The following HECW2 variants were observed in gnomAD, a reference collection of about 807,000 sequenced individuals.
HECW2 encodes E3 ubiquitin-protein ligase HECW2.
In HECW2, 61 loss-of-function variants were observed where a neutral mutation model predicts 175.2. The ratio of observed to expected loss-of-function variants is 0.35; its 90% CI spans 0.28 to 0.43. The LOEUF (loss-of-function observed/expected upper bound fraction) is 0.43, where lower values mean the gene tolerates loss of function less well. Among genes scored for constraint, HECW2 ranks in the 20% least tolerant of loss-of-function variants. The pLI, the probability that HECW2 is intolerant of heterozygous loss-of-function variation, is 1.00. For synonymous variants in HECW2, 671 were observed against 731.0 expected, an observed-to-expected ratio of 0.92 and a Z score of 1.32; for missense variants, 1,524 against 2,000.5, an observed-to-expected ratio of 0.76 and a Z score of 4.54.
chr2:196,335,947 A>C (rs931323741), intron 3 of HECW2, among the ~76,000 whole-genome samples: 1 of 152,198 alleles, frequency 6.6e-6, no homozygotes. Context: ...AAAATACAAA[A>C]GACACACACT....
chr2:196,240,647 T>C, intron 20 of HECW2, 85 bp from the exon 21 acceptor site: 1 of 1,241,260 alleles, frequency 8.1e-7, no homozygotes, highest in Non-Finnish European at 1.1e-6. Flanking sequence ...AACATTTCCA[T>C]TTGCCACAAT....
intron 1 of HECW2, among the ~76,000 whole-genome samples, chr2:196,545,790 C>T (rs1051581835): frequency 3.9e-5 from 6 of 152,192 alleles, no homozygotes; most frequent in Non-Finnish European, 8.8e-5. Context: ...TAAGAGGATG[C>T]ATCACTTGGT....
At chr2:196,309,620 C>CT (rs1691406825) in intron 10 of HECW2, among the ~76,000 whole-genome samples, 1 of 7,492 alleles carries the variant, frequency 1.3e-4, no homozygotes, top group Admixed American at 3.1e-3. Flanking sequence ...ACCAATTACC[C>CT]CATCTCATTC....
chr2:196,231,829 A>G (rs1688069578), intron 21 of HECW2, among the ~76,000 whole-genome samples: 1 of 152,108 alleles, frequency 6.6e-6, no homozygotes, highest in Non-Finnish European at 1.5e-5. Context: ...CTCTACTAAA[A>G]ATACAAAAAA....
intron 10 of HECW2, among the ~76,000 whole-genome samples, chr2:196,310,768 TTG>T (rs143340435): frequency 0.015 from 2,156 of 148,274 alleles, 46 homozygotes; most frequent in African/African-American, 0.051. Context: ...AGCAACGATT[TTG>T]TGTGTGTGTG....
intron 28 of HECW2, among the ~76,000 whole-genome samples, chr2:196,203,814 A>G (rs940348005): frequency 1.3e-5 from 2 of 152,178 alleles, no homozygotes; most frequent in African/African-American, 4.8e-5. Context: ...ATCCATCTCC[A>G]GAACTTCTGC....
chr2:196,293,571 T>C (rs956865939), intron 13 of HECW2, among the ~76,000 whole-genome samples: 5 of 152,188 alleles, frequency 3.3e-5, no homozygotes, highest in African/African-American at 4.8e-5. Flanking sequence ...CTTTGAGGAA[T>C]CTCCACACTG....
chr2:196,353,924 G>A (rs143188517), intron 2 of HECW2, among the ~76,000 whole-genome samples: 6 of 152,268 alleles, frequency 3.9e-5, no homozygotes, highest in Non-Finnish European at 7.4e-5. Context: ...TCTCCATTGA[G>A]AGCTGTTTCA....
At chr2:196,281,075 G>C (rs756792463) in intron 14 of HECW2, among the ~76,000 whole-genome samples, 19 of 152,152 alleles carry the variant, frequency 1.2e-4, no homozygotes, top group Non-Finnish European at 2.4e-4. Context: ...AAAGACAAAT[G>C]GGTGTCTACA....
intron 14 of HECW2, among the ~76,000 whole-genome samples, chr2:196,282,927 T>C (rs937118219): frequency 6.6e-6 from 1 of 152,046 alleles, no homozygotes; most frequent in South Asian, 2.1e-4. Context: ...GTTTAGAATT[T>C]TATTTTTGGT....
At chr2:196,579,669 G>T (rs1470777289) in intron 1 of HECW2, among the ~76,000 whole-genome samples, 1 of 152,080 alleles carries the variant, frequency 6.6e-6, no homozygotes, top group Non-Finnish European at 1.5e-5. Context: ...AACTAAATTT[G>T]GAGATACAAC....
chr2:196,583,851 G>C (rs1690880813), intron 1 of HECW2, among the ~76,000 whole-genome samples: 1 of 152,170 alleles, frequency 6.6e-6, no homozygotes, highest in African/African-American at 2.4e-5. Flanking sequence ...CATATATTTA[G>C]AGTGCTTAAA....
chr2:196,261,552 C>A (rs1391489623), intron 17 of HECW2, among the ~76,000 whole-genome samples: 1 of 152,046 alleles, frequency 6.6e-6, no homozygotes, highest in Non-Finnish European at 1.5e-5. Context: ...CATGCTAGGC[C>A]AGAGATGCAA....
intron 19 of HECW2, 48 bp downstream of exon 19, chr2:196,253,872 G>C: frequency 6.4e-7 from 1 of 1,563,270 alleles, no homozygotes; most frequent in Non-Finnish European, 8.8e-7. Flanking sequence ...CATCTGGCTT[G>C]AAGGTTCACT....
chr2:196,331,969 G>C (rs1692377907), intron 4 of HECW2, among the ~76,000 whole-genome samples: 1 of 152,230 alleles, frequency 6.6e-6, no homozygotes, highest in Non-Finnish European at 1.5e-5. Flanking sequence ...ATACATGGTA[G>C]TGAGTAATGG....
intron 1 of HECW2, among the ~76,000 whole-genome samples, chr2:196,576,873 T>C (rs760054767): frequency 2.6e-5 from 4 of 152,108 alleles, no homozygotes; most frequent in South Asian, 2.1e-4. Context: ...AAAGGTTTAT[T>C]AGAAAAAAAG....
chr2:196,357,766 G>A (rs1208348487), intron 2 of HECW2, among the ~76,000 whole-genome samples: 1 of 152,140 alleles, frequency 6.6e-6, no homozygotes, highest in Non-Finnish European at 1.5e-5. Flanking sequence ...TGATGGTTTT[G>A]TAAGGCAGTT....
At chr2:196,449,907 A>G (rs187958406) in intron 1 of HECW2, among the ~76,000 whole-genome samples, 1 of 152,210 alleles carries the variant, frequency 6.6e-6, no homozygotes, top group East Asian at 1.9e-4. Context: ...GTCATAATGC[A>G]TGGGAAACAG....
intron 1 of HECW2, among the ~76,000 whole-genome samples, chr2:196,535,653 G>A (rs1482362753): frequency 6.6e-6 from 1 of 152,082 alleles, no homozygotes; most frequent in African/African-American, 2.4e-5. Context: ...TAATAGTCCT[G>A]GATATTCTCT....
Sources: allele counts gnomAD v4.1 joint callset (sites outside exome capture counted in the v4.1 genomes callset), GRCh38; gene constraint gnomAD v4.1.1; transcripts MANE v1.5; gene names NCBI Gene and HGNC (gene_info 2026-07-23, HGNC 2026-07-21).